Variants in CACNA1G observed in about 807,000 individuals in gnomAD.
The protein encoded by CACNA1G is calcium voltage-gated channel subunit alpha1 G.
A neutral mutation model predicts 219.4 loss-of-function variants in CACNA1G; 67 were observed. That is an observed-to-expected ratio of 0.31 (90% CI 0.25 to 0.37). CACNA1G has a LOEUF of 0.37. CACNA1G is among the 10% of genes least tolerant of loss of function. The pLI, the probability that CACNA1G is intolerant of heterozygous loss-of-function variation, is 1.00. For synonymous variants in CACNA1G, 1,296 were observed against 1,345.3 expected, an observed-to-expected ratio of 0.96 and a Z score of 0.80; for missense variants, 2,380 against 3,231.4, an observed-to-expected ratio of 0.74 and a Z score of 6.39.
intron 23 of CACNA1G, chr17:50,606,558 A>G: frequency 3.6e-6 from 2 of 550,434 alleles, no homozygotes; most frequent in Non-Finnish European, 6.5e-6. Flanking sequence ...TCCTCACTCC[A>G]TATTTGCAGA....
In CACNA1G at chr17:50,618,374, G is replaced by A. The variant is rs369077379; in HGVS notation, c.5427+31G>A. The stretch of plus-strand genomic sequence containing the variant: ...GGCCCAGGGTTGGCCTAGGCTCCAG[G>A]GAGGCAGCCCCACTTCCTGAGCTAG... On this transcript the variant is annotated intron_variant, in intron 32 of 37. Transcript: ENST00000359106. The surrounding 1 kb of genome is among the most constrained non-coding windows in gnomAD (Gnocchi z 5.3). 1 of 1,605,618 alleles carries A rather than the reference G, an allele frequency of 6.2e-7. No homozygotes were observed. Among genetic ancestry groups the A allele is most frequent in the Non-Finnish European group, 8.5e-7 (1 of 1,174,140 alleles).
chr17:50,562,966 C>T (rs2036340084), intron 1 of CACNA1G, among the ~76,000 whole-genome samples: 1 of 152,216 alleles, frequency 6.6e-6, no homozygotes, highest in Non-Finnish European at 1.5e-5. Flanking sequence ...GTGTTGCTGC[C>T]ATCTCAGGTC....
chr17:50,590,403 T>C lies in CACNA1G; in HGVS notation c.2302-68T>C. 1.9e-6 allele frequency: 3 copies of C among 1,541,130 alleles called. No individual in the cohort carries two copies. The East Asian group carries it at 6.7e-5, about 35-fold the overall frequency. On this transcript the variant is annotated intron_variant, in intron 9 of 37. Transcript: ENST00000359106. The stretch of plus-strand genomic sequence containing the variant: ...TGCTCCTCCTCTCCCTGGTGTCCCA[T>C]GTTTGGAGGACTGGATCGAGGGGCT...
chr17:50,609,686 G>A (rs971483086), intron 25 of CACNA1G, among the ~76,000 whole-genome samples, 196 bp from the exon 26 acceptor site: 4 of 152,186 alleles, frequency 2.6e-5, no homozygotes, highest in African/African-American at 9.7e-5. Context: ...TGACCAGCTA[G>A]CCACATTGCT....
chr17:50,578,502 C>A lies in CACNA1G; in HGVS notation c.2239C>A (p.Arg747=). The A allele has an allele frequency of 6.3e-7, 1 of 1,584,778 alleles. No homozygotes were observed. Among genetic ancestry groups the A allele is most frequent in the Non-Finnish European group, 8.6e-7 (1 of 1,163,512 alleles). ...RKIVDSKYFG[R]GIMIAILVNT... is the part of the protein sequence containing the mutation. ...GATTGTGGACAGCAAGTACTTTGGC[C>A]GGGGAATCATGATCGCCATCCTGGT... Residue 747 remains arginine, a synonymous_variant, in exon 9 of 38, where the codon CGG becomes AGG. Transcript: ENST00000359106. The surrounding 1 kb of genome is among the most constrained non-coding windows in gnomAD (Gnocchi z 4.5).
rs1440561418 is a variant in CACNA1G, at chr17:50,626,570, G to A, written c.6953G>A (p.Ser2318Asn). 1 of 1,598,758 alleles carries A rather than the reference G, an allele frequency of 6.3e-7. No individual in the cohort carries two copies. The highest frequency in any genetic ancestry group is 1.1e-5 in the South Asian group (1 of 89,130). ...AGTATCACCATAGACCCCCCCGAGAGCCAAGGTCCTCGGACCCCGCCCAGC... is the reference window on the plus strand; with the variant it reads ...AGTATCACCATAGACCCCCCCGAGAACCAAGGTCCTCGGACCCCGCCCAGC... ...PPSITIDPPE[S>N]QGPRTPPSPG... The change falls in exon 38 of 38, where the codon AGC (serine) becomes AAC (asparagine). Residue 2318 changes from serine (S) to asparagine (N), a missense_variant. Physicochemically the swap from Ser to Asn is conservative, Grantham distance 46. Coordinates refer to ENST00000359106, the MANE Select transcript of CACNA1G (RefSeq NM_018896.5). This position sits in a 1 kb window ranked among gnomAD's most constrained non-coding sequence, Gnocchi z 4.3.
chr17:50,589,451 T>C (rs1464882620), intron 9 of CACNA1G, among the ~76,000 whole-genome samples: 11 of 152,228 alleles, frequency 7.2e-5, no homozygotes, highest in Non-Finnish European at 1.6e-4. Context: ...CCGTTTTGTG[T>C]GTGTACAACG....
chr17:50,563,737 T>C (rs1359459290), intron 1 of CACNA1G: 1 of 152,262 alleles, frequency 6.6e-6, no homozygotes, highest in East Asian at 1.9e-4. Context: ...GGAGTGGTAG[T>C]TGGGTGTGTG....
In CACNA1G at chr17:50,619,905, T is replaced by C. The variant is rs1022423531; in HGVS notation, c.5925+79T>C. 3.6e-6 allele frequency: 5 copies of C among 1,401,238 alleles called. No individual in the cohort carries two copies. The Admixed American group carries it at 7.3e-5, about 20-fold the overall frequency. 86.8% of individuals were successfully genotyped at this position (1,401,238 alleles called of 1,614,324 possible). ...CGCTGTGCCATGCTTCTGGGGAAGCTGGGAGTGTTCCTGCCCACTGGGTAT... is the reference window on the plus strand; with the variant it reads ...CGCTGTGCCATGCTTCTGGGGAAGCCGGGAGTGTTCCTGCCCACTGGGTAT... On this transcript the variant is annotated intron_variant, in intron 34 of 37. Coordinates refer to ENST00000359106, the MANE Select transcript of CACNA1G (RefSeq NM_018896.5).
chr17:50,578,290 G>A lies in CACNA1G; in HGVS notation c.2027G>A (p.Gly676Glu), dbSNP rs995024193. 2.5e-6 allele frequency: 4 copies of A among 1,613,158 alleles called. No individual in the cohort carries two copies. The highest frequency in any genetic ancestry group is 3.4e-6 in the Non-Finnish European group (4 of 1,179,852). The stretch of plus-strand genomic sequence containing the variant: ...CCCTACTGTGCCCGGGCCGGGGCAG[G>A]GGAGGTGGAGCTCGCCGACCGTGAA... ...SCPYCARAGA[G>E]EVELADREMP... is the part of the protein sequence containing the mutation. Residue 676 changes from glycine (G) to glutamate (E), a missense_variant, in exon 9 of 38, where the codon GGG becomes GAG. Around this residue, in one of 17 missense-constraint regions of CACNA1G, gnomAD observed 434 missense variants for 417.3 expected, o/e 1.04. Transcript: ENST00000359106. This position sits in a 1 kb window ranked among gnomAD's most constrained non-coding sequence, Gnocchi z 4.5.
rs201565895 is a variant in CACNA1G, at chr17:50,621,694, C to T, written c.5960C>T (p.Thr1987Met). The part of the protein sequence containing the change: ...PLAEMEALSL[T>M]SEIVSEPSCS... ...GCTGAGATGGAGGCTCTGTCTCTGACGTCAGAGATTGTGTCTGAACCGTCC... is the reference window on the plus strand; with the variant it reads ...GCTGAGATGGAGGCTCTGTCTCTGATGTCAGAGATTGTGTCTGAACCGTCC... Residue 1987 changes from threonine (T) to methionine (M), a missense_variant, in exon 35 of 38, where the codon ACG becomes ATG. By Grantham distance (81) the Thr-to-Met change is moderately conservative. This residue lies in a region of CACNA1G where 672 missense variants were observed against 670.5 expected (regional missense o/e 1.00). Coordinates refer to ENST00000359106, the MANE Select transcript of CACNA1G (RefSeq NM_018896.5). This position sits in a 1 kb window ranked among gnomAD's most constrained non-coding sequence, Gnocchi z 4.6. 2.0e-5 allele frequency: 33 copies of T among 1,613,976 alleles called. No individual in the cohort carries two copies. In the East Asian group the frequency reaches 4.2e-4, roughly 21 times the overall value.
chr17:50,590,133 C>T (rs566714797), intron 9 of CACNA1G, among the ~76,000 whole-genome samples: 2 of 152,300 alleles, frequency 1.3e-5, no homozygotes, highest in Admixed American at 6.5e-5. Flanking sequence ...GCTAGGCTTG[C>T]ATTGTAGCCT....
intron 1 of CACNA1G, among the ~76,000 whole-genome samples, chr17:50,562,863 G>T (rs1329666687): frequency 1.3e-5 from 2 of 151,994 alleles, no homozygotes; most frequent in African/African-American, 2.4e-5. Context: ...CCCCAGCCCA[G>T]TCAGACCCTA....
chr17:50,614,418 A>G (rs999123186), intron 26 of CACNA1G, among the ~76,000 whole-genome samples: 1 of 152,026 alleles, frequency 6.6e-6, no homozygotes. Flanking sequence ...TGGGAGACCA[A>G]TCTGTCAACT....
chr17:50,605,102 C>T (rs2047677406), intron 22 of CACNA1G, among the ~76,000 whole-genome samples: 2 of 152,182 alleles, frequency 1.3e-5, no homozygotes, highest in African/African-American at 4.8e-5. Context: ...CTCCCCACTC[C>T]CACCCAGTGC....
chr17:50,564,620 G>C (rs1260431207), intron 1 of CACNA1G, among the ~76,000 whole-genome samples: 1 of 152,024 alleles, frequency 6.6e-6, no homozygotes, highest in Non-Finnish European at 1.5e-5. Flanking sequence ...CCCTCTAGAG[G>C]GGTGGGGGCA....
Position 50,575,842 on chromosome 17 carries a change from C to T in CACNA1G, c.1440C>T (p.Ser480=). 1.3e-6 allele frequency: 2 copies of T among 1,549,782 alleles called. No homozygotes were observed. The highest frequency in any genetic ancestry group is 8.7e-7 in the Non-Finnish European group (1 of 1,147,238). Residue 480 remains serine, a synonymous_variant, in exon 8 of 38, where the codon AGC becomes AGT. Transcript: ENST00000359106. ...GGGGCCAGGAGACCCAGCCCAGCAG[C>T]AGCTGCTCTCGCTCCCACCGCCGCC... is the stretch of plus-strand genomic sequence containing the variant. The part of the protein sequence containing the change: ...PLGGQETQPS[S]SCSRSHRRLS...
chr17:50,625,913 C>T, intron 37 of CACNA1G, 104 bp from the exon 38 acceptor site: 1 of 1,279,402 alleles, frequency 7.8e-7, no homozygotes, highest in Non-Finnish European at 1.1e-6. Flanking sequence ...GATAGTCCTG[C>T]TGTGCCTGGT....
intron 7 of CACNA1G, 53 bp from the exon 8 acceptor site, chr17:50,575,490 T>C: frequency 1.3e-6 from 2 of 1,525,980 alleles, no homozygotes; most frequent in South Asian, 1.3e-5. Context: ...GTGGCTGGCA[T>C]TGTGATTCAC....
Sources: allele counts gnomAD v4.1 joint callset (sites outside exome capture counted in the v4.1 genomes callset), GRCh38; gene constraint gnomAD v4.1.1; regional missense constraint gnomAD v4.1.1; non-coding constraint Gnocchi (gnomAD v3.1); transcripts MANE v1.5; gene names NCBI Gene and HGNC (gene_info 2026-07-23, HGNC 2026-07-21).